The following FRS2 variants were observed in gnomAD, a reference collection of about 807,000 sequenced individuals.
The protein encoded by FRS2 is FGFR signalling adaptor.
Under a neutral mutation model 43.9 loss-of-function variants are expected in FRS2, and 8 were observed. That is an observed-to-expected ratio of 0.18 (90% CI 0.11 to 0.33). The LOEUF (loss-of-function observed/expected upper bound fraction) is 0.33, where lower values mean the gene tolerates loss of function less well. FRS2 is among the 10% of genes least tolerant of loss of function. The probability of loss-of-function intolerance (pLI) is 1.00; values close to 1 mark genes in which losing one functional copy is unlikely to be tolerated. For synonymous variants in FRS2, 219 were observed against 220.3 expected (o/e 0.99, Z 0.05); for missense variants, 534 against 627.6 (o/e 0.85, Z 1.59).
At chr12:69,531,340 A>AG (rs1876771256) in intron 2 of FRS2, among the ~76,000 whole-genome samples, 1 of 151,772 alleles carries the variant, frequency 6.6e-6, no homozygotes, top group Non-Finnish European at 1.5e-5. Context: ...AAAAAGAAAA[A>AG]AAAAAAAGGT....
At chr12:69,535,168 T>C (rs1414568420) in intron 3 of FRS2, among the ~76,000 whole-genome samples, 2 of 152,160 alleles carry the variant, frequency 1.3e-5, no homozygotes, top group African/African-American at 2.4e-5. Context: ...ATCTGACAAA[T>C]AAGTAGCCAA....
chr12:69,549,005 A>T (rs1305151348), intron 3 of FRS2, among the ~76,000 whole-genome samples: 2 of 152,226 alleles, frequency 1.3e-5, no homozygotes, highest in Non-Finnish European at 2.9e-5. Context: ...AATATACAGC[A>T]TTACAGATAA....
chr12:69,528,698 A>G (rs558039361), intron 1 of FRS2, among the ~76,000 whole-genome samples: 1 of 152,352 alleles, frequency 6.6e-6, no homozygotes, highest in East Asian at 1.9e-4. Context: ...GAAGATTACC[A>G]TCTCCCAAAT....
chr12:69,538,847 C>G (rs1877594983), intron 3 of FRS2, among the ~76,000 whole-genome samples: 2 of 152,132 alleles, frequency 1.3e-5, no homozygotes, highest in Admixed American at 6.6e-5. Flanking sequence ...CTTTCAACTT[C>G]ATAGTCGTAG....
At chr12:69,509,082 A>C (rs1359979853) in intron 1 of FRS2, among the ~76,000 whole-genome samples, 1 of 152,210 alleles carries the variant, frequency 6.6e-6, no homozygotes, top group Non-Finnish European at 1.5e-5. Context: ...AGCTCTTAAT[A>C]TGGTTGGACA....
chr12:69,503,576 G>A (rs1873660398), intron 1 of FRS2, among the ~76,000 whole-genome samples: 2 of 152,140 alleles, frequency 1.3e-5, no homozygotes, highest in Admixed American at 6.5e-5. Context: ...AGGAGCATTA[G>A]CAACCCTCCT....
chr12:69,551,117 C>A (rs575813749), intron 3 of FRS2, among the ~76,000 whole-genome samples: 1 of 152,096 alleles, frequency 6.6e-6, no homozygotes, highest in African/African-American at 2.4e-5. Context: ...TTTGGGAGGC[C>A]GAGGCAGGAG....
At chr12:69,485,784 G>A (rs571998408) in intron 1 of FRS2, among the ~76,000 whole-genome samples, 2 of 152,214 alleles carry the variant, frequency 1.3e-5, no homozygotes, top group African/African-American at 4.8e-5. Context: ...GGTTTTAATT[G>A]AATACTTACT....
chr12:69,525,998 T>C (rs1482534479), intron 1 of FRS2, among the ~76,000 whole-genome samples: 1 of 152,088 alleles, frequency 6.6e-6, no homozygotes, highest in Non-Finnish European at 1.5e-5. Context: ...TAGCTAGGAT[T>C]ACAGGCATGC....
rs928433573 is a variant in FRS2, at chr12:69,515,098, C to T, written c.-260-15767C>T. Among the ~76,000 whole-genome samples the T allele has an allele frequency of 4.6e-5, 7 of 152,296 alleles. No individual in the cohort carries two copies. The East Asian group carries it at 1.2e-3, about 25-fold the overall frequency. On this transcript the variant is annotated intron_variant, in intron 1 of 8. Transcript: ENST00000549921. The stretch of plus-strand genomic sequence containing the variant: ...AGATAGACCAAGAGCAGGTAACCTG[C>T]CCAAGATTGTACAGTTAGTGATAGC...
intron 3 of FRS2, among the ~76,000 whole-genome samples, chr12:69,541,423 A>G (rs1177224702): frequency 6.6e-6 from 1 of 152,218 alleles, no homozygotes; most frequent in Non-Finnish European, 1.5e-5. Context: ...TGTATAATTT[A>G]ACTGAAGGAA....
intron 3 of FRS2, among the ~76,000 whole-genome samples, chr12:69,542,152 T>C (rs960060624): frequency 2.6e-5 from 4 of 152,204 alleles, no homozygotes; most frequent in African/African-American, 9.6e-5. Context: ...TTTTCTTTAC[T>C]GACAGACATA....
At chr12:69,482,677 T>C (rs1045303045) in intron 1 of FRS2, among the ~76,000 whole-genome samples, 1 of 152,248 alleles carries the variant, frequency 6.6e-6, no homozygotes, top group Non-Finnish European at 1.5e-5. Flanking sequence ...TGAATGTATG[T>C]AAGAAAATAT....
intron 8 of FRS2, 43 bp downstream of exon 8, chr12:69,572,324 A>G (rs758375020): frequency 1.4e-6 from 2 of 1,480,850 alleles, no homozygotes; most frequent in Admixed American, 3.4e-5. Context: ...GATTGTTCAG[A>G]GTTAGGGTAT....
intron 5 of FRS2, among the ~76,000 whole-genome samples, chr12:69,569,642 T>G (rs1012417793): frequency 6.6e-5 from 10 of 152,228 alleles, no homozygotes; most frequent in African/African-American, 2.4e-4. Context: ...GTCTGTCACT[T>G]TATAAGCTTT....
chr12:69,534,555 A>G (rs974141034), intron 3 of FRS2, among the ~76,000 whole-genome samples: 3 of 152,188 alleles, frequency 2.0e-5, no homozygotes, highest in East Asian at 1.9e-4. Context: ...CCAGCTGTCC[A>G]TATTAGGAGT....
chr12:69,500,246 A>G (rs1171409939), intron 1 of FRS2, among the ~76,000 whole-genome samples: 2 of 152,188 alleles, frequency 1.3e-5, no homozygotes, highest in Admixed American at 6.5e-5. Flanking sequence ...AACGACATGA[A>G]GATACTAAGA....
At chr12:69,522,721 G>A (rs1224037533) in intron 1 of FRS2, among the ~76,000 whole-genome samples, 1 of 152,146 alleles carries the variant, frequency 6.6e-6, no homozygotes, top group Non-Finnish European at 1.5e-5. Context: ...ACTTTTTTAT[G>A]TGAGCATTTA....
At chr12:69,518,438 G>A (rs1292391896) in intron 1 of FRS2, among the ~76,000 whole-genome samples, 1 of 152,070 alleles carries the variant, frequency 6.6e-6, no homozygotes, top group Non-Finnish European at 1.5e-5. Context: ...TTTGGCCAGG[G>A]GGCTCACGCC....
Sources: allele counts gnomAD v4.1 joint callset (sites outside exome capture counted in the v4.1 genomes callset), GRCh38; gene constraint gnomAD v4.1.1; transcripts MANE v1.5; gene names NCBI Gene and HGNC (gene_info 2026-07-23, HGNC 2026-07-21).